The following DNMT3A variants were observed in gnomAD, a reference collection of about 807,000 sequenced individuals.
DNMT3A encodes the protein DNA methyltransferase 3 alpha.
In DNMT3A, 267 loss-of-function variants were observed where a neutral mutation model predicts 117.6. The ratio of observed to expected loss-of-function variants is 2.27; its 90% CI spans 2.05 to 2.51. The LOEUF is 2.51. Among genes scored for constraint, DNMT3A ranks in the 30% most tolerant of loss-of-function variants. The pLI, the probability that DNMT3A is intolerant of heterozygous loss-of-function variation, is 0.00. For synonymous variants in DNMT3A, 432 were observed against 474.8 expected, an observed-to-expected ratio of 0.91 and a Z score of 1.17; for missense variants, 1,029 against 1,260.2, an observed-to-expected ratio of 0.82 and a Z score of 2.78.
In DNMT3A at chr2:25,282,807, T is replaced by C. The variant is rs1323310740; in HGVS notation, c.178-96A>G. ...CGCTCTGAAATTCTAGAGAATGTTATGCACTTTCTGTCCAGAAACTGTGTT... is the reference window on the plus strand; with the variant it reads ...CGCTCTGAAATTCTAGAGAATGTTACGCACTTTCTGTCCAGAAACTGTGTT... On this transcript the variant is annotated intron_variant, in intron 3 of 22. Transcript: ENST00000321117. This position sits in a 1 kb window ranked among gnomAD's most constrained non-coding sequence, Gnocchi z 5.2. The C allele has an allele frequency of 1.4e-6, 2 of 1,397,108 alleles. No homozygotes were observed. The highest frequency in any genetic ancestry group is 1.9e-6 in the Non-Finnish European group (2 of 1,047,798). 86.5% of individuals were successfully genotyped at this position (1,397,108 alleles called of 1,614,324 possible).
chr2:25,315,234 A>G (rs2034323431), intron 1 of DNMT3A, among the ~76,000 whole-genome samples: 1 of 152,172 alleles, frequency 6.6e-6, no homozygotes, highest in Non-Finnish European at 1.5e-5. Flanking sequence ...GAAAACCAGG[A>G]CCGGGAGAAA....
At chr2:25,324,814 C>T (rs2034726144) in intron 1 of DNMT3A, among the ~76,000 whole-genome samples, 1 of 152,306 alleles carries the variant, frequency 6.6e-6, no homozygotes, top group East Asian at 1.9e-4. Context: ...CATCACCATT[C>T]CATTGCCCTG....
At position 25,286,692 on chromosome 2, in the gene DNMT3A, A is replaced by G. The variant is rs2032332893; in HGVS notation, c.178-3981T>C. Among the ~76,000 whole-genome samples, 1 of 152,204 alleles carries G rather than the reference A, an allele frequency of 6.6e-6. No homozygotes were observed. The highest frequency in any genetic ancestry group is 1.5e-5 in the Non-Finnish European group (1 of 68,034). On this transcript the variant is annotated intron_variant, in intron 3 of 22. Coordinates refer to ENST00000321117, the MANE Select transcript of DNMT3A (RefSeq NM_022552.5). The surrounding 1 kb of genome is among the most constrained non-coding windows in gnomAD (Gnocchi z 4.3). ...GACAAAACCATCCAGAGGAAGGAAA[A>G]AGGTCCCAGTCAAATGGCCTGAAGC...
intron 6 of DNMT3A, chr2:25,251,883 C>A: frequency 4.6e-6 from 2 of 436,114 alleles, no homozygotes; most frequent in South Asian, 4.0e-5. Flanking sequence ...CCTGGGCCAC[C>A]AGCTCCGCGT....
At chr2:25,300,775 T>G (rs2033469096) in intron 2 of DNMT3A, among the ~76,000 whole-genome samples, 1 of 75,970 alleles carries the variant, frequency 1.3e-5, no homozygotes, top group African/African-American at 5.2e-5. Flanking sequence ...ATATAAATAA[T>G]ACATCCTTTG....
At chr2:25,256,363 G>C (rs1573367401) in intron 6 of DNMT3A, among the ~76,000 whole-genome samples, 1 of 152,220 alleles carries the variant, frequency 6.6e-6, no homozygotes, top group Admixed American at 6.5e-5. Context: ...CTTCTTCCTG[G>C]AAGGTTCCTC....
intron 1 of DNMT3A, among the ~76,000 whole-genome samples, chr2:25,329,136 G>A (rs901624419): frequency 5.3e-5 from 8 of 152,138 alleles, no homozygotes; most frequent in African/African-American, 1.4e-4. Context: ...TCTCCTCATC[G>A]TCTGTCCCAA....
Position 25,247,540 on chromosome 2 carries a change from G to A in DNMT3A, c.1014+51C>T, listed in dbSNP as rs1226734161. ...CCCCCAGCCAAAACCACAGGCCCTGGGATCAAGAACCTTCCCCCACCCCAG... is the reference window on the plus strand; with the variant it reads ...CCCCCAGCCAAAACCACAGGCCCTGAGATCAAGAACCTTCCCCCACCCCAG... On this transcript the variant is annotated intron_variant, in intron 8 of 22. Transcript: ENST00000321117. The surrounding 1 kb of genome is among the most constrained non-coding windows in gnomAD (Gnocchi z 5.6). The A allele has an allele frequency of 6.3e-7, 1 of 1,594,782 alleles. No individual in the cohort carries two copies. Among genetic ancestry groups the A allele is most frequent in the Non-Finnish European group, 8.6e-7 (1 of 1,168,506 alleles).
Position 25,306,683 on chromosome 2 carries a change from C to T in DNMT3A, c.73-6440G>A, listed in dbSNP as rs964923851. 1.3e-5 allele frequency among the ~76,000 whole-genome samples: 2 copies of T among 152,226 alleles called. No homozygotes were observed. Among genetic ancestry groups the T allele is most frequent in the African/African-American group, 4.8e-5 (2 of 41,454 alleles). ...TGCAGGGTGGGCCAGACCTCACACC[C>T]ACGAGCAGCACACCTCAGCCCTGTC... is the stretch of plus-strand genomic sequence containing the variant. On this transcript the variant is annotated intron_variant, in intron 2 of 22. Transcript: ENST00000321117. This position sits in a 1 kb window ranked among gnomAD's most constrained non-coding sequence, Gnocchi z 4.1.
intron 6 of DNMT3A, among the ~76,000 whole-genome samples, chr2:25,270,903 A>T (rs974147318): frequency 3.3e-5 from 5 of 152,236 alleles, no homozygotes; most frequent in Non-Finnish European, 7.4e-5. Context: ...GCACGCCTGT[A>T]ATCCCAGCTA....
chr2:25,281,872 T>C lies in DNMT3A; in HGVS notation c.448+569A>G. 1 of 1,070,124 alleles carries C rather than the reference T, an allele frequency of 9.3e-7. No homozygotes were observed. Among genetic ancestry groups the C allele is most frequent in the South Asian group, 4.5e-5 (1 of 22,400 alleles). The allele number at this position is 1,070,124 out of a possible 1,614,324, so 66.3% of individuals were successfully genotyped here. On this transcript the variant is annotated intron_variant, in intron 4 of 22. Coordinates refer to ENST00000321117, the MANE Select transcript of DNMT3A (RefSeq NM_022552.5). This position sits in a 1 kb window ranked among gnomAD's most constrained non-coding sequence, Gnocchi z 4.8. ...TCACCCAGCCCTCTCCCCACGCCAC[T>C]GTCACAACCAAATTTCCAGTTGAGT...
At chr2:25,255,407 T>G (rs1178616385) in intron 6 of DNMT3A, among the ~76,000 whole-genome samples, 1 of 152,200 alleles carries the variant, frequency 6.6e-6, no homozygotes, top group Non-Finnish European at 1.5e-5. Flanking sequence ...CTTGGATTTG[T>G]TATAAAAGTA....
At chr2:25,340,437 G>C (rs557427286) in intron 1 of DNMT3A, among the ~76,000 whole-genome samples, 7 of 152,260 alleles carry the variant, frequency 4.6e-5, no homozygotes, top group African/African-American at 1.7e-4. Context: ...GGCAGCCCCA[G>C]GGCCGCGGGC....
At chr2:25,253,103 C>T (rs1469591680) in intron 6 of DNMT3A, among the ~76,000 whole-genome samples, 1 of 152,206 alleles carries the variant, frequency 6.6e-6, no homozygotes. Context: ...CAGGCTCAAA[C>T]ATCTGCAGAT....
chr2:25,246,061 C>T lies in DNMT3A; in HGVS notation c.1433G>A (p.Arg478Gln), dbSNP rs1558668727. The change falls in exon 12 of 23, where the codon CGG (arginine) becomes CAG (glutamine). Residue 478 changes from arginine (R) to glutamine (Q), a missense_variant. Physicochemically the swap from Arg to Gln is conservative, Grantham distance 43. Transcript: ENST00000321117. ...KEIIDERTRE[R>Q]LVYEVRQKCR... ...CTTCTGCCGCACCTCGTACACCAGCCGCTCTGCAAGGGGAGGAGAGCTGGC... is the reference window on the plus strand; with the variant it reads ...CTTCTGCCGCACCTCGTACACCAGCTGCTCTGCAAGGGGAGGAGAGCTGGC... 1.2e-6 allele frequency: 2 copies of T among 1,614,182 alleles called. No individual in the cohort carries two copies. Among genetic ancestry groups the T allele is most frequent in the Non-Finnish European group, 1.7e-6 (2 of 1,180,012 alleles).
chr2:25,314,370 G>A (rs1203423602), intron 1 of DNMT3A: 1 of 985,210 alleles, frequency 1.0e-6, no homozygotes, highest in African/African-American at 1.7e-5. Context: ...TGGAGTGGCA[G>A]CAGTCTCCCC....
chr2:25,258,378 C>T (rs1224620999), intron 6 of DNMT3A, among the ~76,000 whole-genome samples: 1 of 152,216 alleles, frequency 6.6e-6, no homozygotes, highest in Admixed American at 6.5e-5. Flanking sequence ...CTGCACTGAG[C>T]AGTCTGGTTT....
At position 25,234,070 on chromosome 2, in the gene DNMT3A, T is replaced by C. The variant is rs548245302; in HGVS notation, c.*209A>G. On this transcript the variant is annotated 3_prime_UTR_variant, in exon 23 of 23. Transcript: ENST00000321117. This position sits in a 1 kb window ranked among gnomAD's most constrained non-coding sequence, Gnocchi z 4.5. ...TTTTAAATAGGACTGAAGAATAACA[T>C]TGAAAAATCAGGAGATGATGTCCAA... The C allele has an allele frequency of 9.5e-5, 61 of 645,100 alleles. No homozygotes were observed. The highest frequency in any genetic ancestry group is 1.1e-4 in the Non-Finnish European group (48 of 426,190). 40.0% of individuals were successfully genotyped at this position (645,100 alleles called of 1,614,324 possible).
Position 25,323,732 on chromosome 2 carries a change from G to C in DNMT3A, c.-177-9571C>G, listed in dbSNP as rs552226819. On this transcript the variant is annotated intron_variant, in intron 1 of 22. Coordinates refer to ENST00000321117, the MANE Select transcript of DNMT3A (RefSeq NM_022552.5). Reference sequence around the variant, plus strand: ...CCTGGAGTTCCTCTAAGTGGCCTTCGCTCAGGCAGGAGCTTGTACTTAAGC... The same window carrying C: ...CCTGGAGTTCCTCTAAGTGGCCTTCCCTCAGGCAGGAGCTTGTACTTAAGC... Among the ~76,000 whole-genome samples, 5 of 152,248 alleles carry C rather than the reference G, an allele frequency of 3.3e-5. No individual in the cohort carries two copies. In the South Asian group the frequency reaches 1.0e-3, roughly 32 times the overall value.
Sources: gnomAD v4.1 joint callset for allele counts (sites outside exome capture counted in the v4.1 genomes callset) on GRCh38, gnomAD v4.1.1 for gene constraint, Gnocchi (gnomAD v3.1) non-coding constraint, MANE v1.5 for transcripts, NCBI Gene and HGNC (gene_info 2026-07-23, HGNC 2026-07-21) for gene names.